COL8A1: variants seen among roughly 807,000 people sequenced by gnomAD.
COL8A1 encodes the protein collagen alpha-1(VIII) chain.
COL8A1 carries 21 observed loss-of-function variants against 42.7 expected under a neutral mutation model. The ratio of observed to expected loss-of-function variants is 0.49; its 90% confidence interval spans 0.35 to 0.71. The LOEUF (loss-of-function observed/expected upper bound fraction) is 0.71. COL8A1 is among the 30% of genes least tolerant of loss of function. The probability of loss-of-function intolerance (pLI) is 0.01; values close to 1 mark genes in which losing one functional copy is unlikely to be tolerated. For missense variants in COL8A1, 788 were observed against 962.4 expected (o/e 0.82, Z 2.40); for synonymous variants, 367 against 369.1 (o/e 0.99, Z 0.06).
intron 1 of COL8A1, among the ~76,000 whole-genome samples, chr3:99,693,806 T>C (rs1283451672): frequency 1.3e-5 from 2 of 152,190 alleles, no homozygotes; most frequent in African/African-American, 2.4e-5. Context: ...TGCAGTAGTG[T>C]CCTGGGTGTT....
chr3:99,677,098 A>T (rs1485384436), intron 1 of COL8A1, among the ~76,000 whole-genome samples: 1 of 151,324 alleles, frequency 6.6e-6, no homozygotes, highest in Non-Finnish European at 1.5e-5. Flanking sequence ...GAAAGAAATT[A>T]TATATATGTA....
intron 1 of COL8A1, among the ~76,000 whole-genome samples, chr3:99,692,975 A>G (rs1939263594): frequency 6.6e-6 from 1 of 152,252 alleles, no homozygotes; most frequent in East Asian, 1.9e-4. Flanking sequence ...CCTGACCAAC[A>G]TGGTGAAACC....
intron 2 of COL8A1, among the ~76,000 whole-genome samples, chr3:99,785,961 G>GA: frequency 6.6e-6 from 1 of 152,156 alleles, no homozygotes; most frequent in South Asian, 2.1e-4. Flanking sequence ...TATCTTCCAG[G>GA]AAAAAAGAAT....
chr3:99,792,877 T>G (rs967091426), intron 3 of COL8A1, among the ~76,000 whole-genome samples: 1 of 152,216 alleles, frequency 6.6e-6, no homozygotes, highest in East Asian at 1.9e-4. Context: ...AATCTACTAA[T>G]TCTAAAGGAG....
At position 99,794,985 on chromosome 3, in the gene COL8A1, C is replaced by A. The variant is rs558799692; in HGVS notation, c.1084C>A (p.Arg362=). 1.2e-6 allele frequency: 2 copies of A among 1,605,198 alleles called. No homozygotes were observed. The highest frequency in any genetic ancestry group is 2.2e-5 in the South Asian group (2 of 90,080). Reference sequence around the variant, plus strand: ...AGGCTTCCCAGGACCCAAAGGTGACCGGGGCATGGGAGGTGTTCCTGGGGC... The same window carrying A: ...AGGCTTCCCAGGACCCAAAGGTGACAGGGGCATGGGAGGTGTTCCTGGGGC... ...KPGFPGPKGD[R]GMGGVPGALG... Residue 362 remains arginine (R), a synonymous_variant, in exon 4 of 4, where the codon CGG becomes AGG. Transcript: ENST00000652472. The surrounding 1 kb of genome is among the most constrained non-coding windows in gnomAD (Gnocchi z 4.3).
intron 2 of COL8A1, among the ~76,000 whole-genome samples, chr3:99,759,455 T>C (rs938158023): frequency 6.6e-6 from 1 of 152,134 alleles, no homozygotes; most frequent in African/African-American, 2.4e-5. Context: ...TCCCAAGTCA[T>C]AGCATAAACA....
intron 1 of COL8A1, among the ~76,000 whole-genome samples, chr3:99,716,805 A>G (rs903513263): frequency 6.6e-6 from 1 of 152,026 alleles, no homozygotes; most frequent in Non-Finnish European, 1.5e-5. Flanking sequence ...TTTTGTCTCA[A>G]TCCTCATGAC....
chr3:99,731,085 AC>A (rs1478809938), intron 1 of COL8A1, among the ~76,000 whole-genome samples: 1 of 152,146 alleles, frequency 6.6e-6, no homozygotes, highest in Non-Finnish European at 1.5e-5. Flanking sequence ...GTTACAGTAC[AC>A]AAAGCAAGTT....
chr3:99,726,286 A>T (rs1343291708), intron 1 of COL8A1, among the ~76,000 whole-genome samples: 1 of 151,748 alleles, frequency 6.6e-6, no homozygotes, highest in Admixed American at 6.6e-5. Flanking sequence ...AATTTGTTTG[A>T]GTTCATTGTA....
chr3:99,670,666 A>T (rs1938515307), intron 1 of COL8A1, among the ~76,000 whole-genome samples: 1 of 151,996 alleles, frequency 6.6e-6, no homozygotes, highest in Non-Finnish European at 1.5e-5. Context: ...ACTATACAAC[A>T]CATTGTTATT....
At chr3:99,779,909 C>T (rs1367574659) in intron 2 of COL8A1, among the ~76,000 whole-genome samples, 1 of 152,138 alleles carries the variant, frequency 6.6e-6, no homozygotes, top group East Asian at 1.9e-4. Flanking sequence ...ATCTCAAGAA[C>T]ATTGAGCCAG....
intron 1 of COL8A1, among the ~76,000 whole-genome samples, chr3:99,743,488 C>A (rs1006450715): frequency 6.6e-6 from 1 of 152,158 alleles, no homozygotes; most frequent in African/African-American, 2.4e-5. Flanking sequence ...TGCTTTTTTA[C>A]AGTCATTTCG....
chr3:99,756,014 G>A (rs1241577053), intron 2 of COL8A1, among the ~76,000 whole-genome samples: 1 of 151,982 alleles, frequency 6.6e-6, no homozygotes, highest in Non-Finnish European at 1.5e-5. Flanking sequence ...AGGGAGGTAA[G>A]GCACTGGTCC....
chr3:99,727,510 GT>G (rs1430004723), intron 1 of COL8A1, among the ~76,000 whole-genome samples: 2 of 152,008 alleles, frequency 1.3e-5, no homozygotes, highest in African/African-American at 4.8e-5. Context: ...AAGGGATCCA[GT>G]TTCAGCTTTC....
At chr3:99,664,639 C>T (rs1054673188) in intron 1 of COL8A1, among the ~76,000 whole-genome samples, 13 of 152,192 alleles carry the variant, frequency 8.5e-5, no homozygotes, top group African/African-American at 2.9e-4. Context: ...CTCTGACATC[C>T]CTCTTCCCAC....
Position 99,696,976 on chromosome 3 carries a change from A to ATTTTTTTTTTTTTTTTTTT in COL8A1, c.-128-47911_-128-47893dup, listed in dbSNP as rs34865022. 5.7e-5 allele frequency among the ~76,000 whole-genome samples: 5 copies of ATTTTTTTTTTTTTTTTTTT among 88,016 alleles called. 2 individuals carry two copies. Among genetic ancestry groups the ATTTTTTTTTTTTTTTTTTT allele is most frequent in the African/African-American group, 2.2e-4 (5 of 23,230 alleles). 57.7% of individuals were successfully genotyped at this position (88,016 alleles called of 152,430 possible). On this transcript the variant is annotated intron_variant, in intron 1 of 3. Transcript: ENST00000652472. The stretch of plus-strand genomic sequence containing the variant: ...TAATCCCCACCGGAAATATACACAA[A>ATTTTTTTTTTTTTTTTTTT]TTTTTTTTTTTTTTTTTTTTTTTTT...
chr3:99,726,598 A>C (rs1303385699), intron 1 of COL8A1, among the ~76,000 whole-genome samples: 1 of 152,132 alleles, frequency 6.6e-6, no homozygotes, highest in Non-Finnish European at 1.5e-5. Flanking sequence ...ATAAGGTGTA[A>C]GGAAGGGATC....
At chr3:99,684,884 C>T (rs1348386246) in intron 1 of COL8A1, among the ~76,000 whole-genome samples, 1 of 152,158 alleles carries the variant, frequency 6.6e-6, no homozygotes, top group Non-Finnish European at 1.5e-5. Flanking sequence ...ATTAGCATGA[C>T]TGAATTATCA....
intron 1 of COL8A1, among the ~76,000 whole-genome samples, chr3:99,651,928 G>A (rs1048130293): frequency 2.0e-5 from 3 of 152,180 alleles, no homozygotes; most frequent in East Asian, 1.9e-4. Flanking sequence ...TTATCCTGCT[G>A]TCATGAGCCA....
Sources: gnomAD v4.1 joint callset for allele counts (sites outside exome capture counted in the v4.1 genomes callset) on GRCh38, gnomAD v4.1.1 for gene constraint, Gnocchi (gnomAD v3.1) non-coding constraint, MANE v1.5 for transcripts, NCBI Gene and HGNC (gene_info 2026-07-23, HGNC 2026-07-21) for gene names.